GTF2B: variants seen among roughly 807,000 people sequenced by gnomAD.
GTF2B encodes the protein transcription initiation factor IIB.
Under a neutral mutation model 34.6 loss-of-function variants are expected in GTF2B, and 20 were observed. The observed-to-expected ratio is 0.58, with a 90% confidence interval of 0.41 to 0.84. GTF2B has a LOEUF of 0.84. Among genes scored for constraint, GTF2B ranks in the 40% least tolerant of loss-of-function variants. The pLI is 0.00. For missense variants in GTF2B, 237 were observed against 393.3 expected (o/e 0.60, Z 3.36); for synonymous variants, 142 against 132.4 (o/e 1.07, Z -0.50).
At chr1:88,877,937 AAAAC>A (rs1325963361) in intron 2 of GTF2B, among the ~76,000 whole-genome samples, 4 of 152,166 alleles carry the variant, frequency 2.6e-5, no homozygotes, top group South Asian at 2.1e-4. Context: ...TCTCAAAAAC[AAAAC>A]AAACAAACAA....
rs762030171 is a variant in GTF2B, at chr1:88,860,006, T to C, written c.411A>G (p.Arg137=). ...ATACTTGCTTGAATAAATTATTTGT[T>C]CGATCCTTCAAAGCAGAGAAACTAA... ...RINLPRNIVD[R]TNNLFKQVYE... is the part of the protein sequence containing the mutation. The change falls in exon 5 of 7, where the codon CGA becomes CGG. Residue 137 remains arginine (R), a synonymous_variant. Coordinates refer to ENST00000370500, the MANE Select transcript of GTF2B (RefSeq NM_001514.6). 3.7e-6 allele frequency: 6 copies of C among 1,613,874 alleles called. No individual in the cohort carries two copies. In the South Asian group the frequency reaches 5.5e-5, roughly 15 times the overall value.
At chr1:88,887,099 A>G (rs554151806) in intron 2 of GTF2B, among the ~76,000 whole-genome samples, 162 bp downstream of exon 2, 86 of 152,072 alleles carry the variant, frequency 5.7e-4, no homozygotes, top group South Asian at 1.5e-3. Flanking sequence ...TTGTATTTTC[A>G]GTAGAGATGG....
At chr1:88,871,886 C>T (rs961053690) in intron 2 of GTF2B, among the ~76,000 whole-genome samples, 1 of 151,980 alleles carries the variant, frequency 6.6e-6, no homozygotes, top group African/African-American at 2.4e-5. Flanking sequence ...CATCCACCAC[C>T]ACGCCCAGCT....
intron 6 of GTF2B, among the ~76,000 whole-genome samples, chr1:88,854,859 T>C (rs1050892910): frequency 2.6e-5 from 4 of 152,238 alleles, no homozygotes; most frequent in Non-Finnish European, 4.4e-5. Context: ...AGTGAGGTTT[T>C]AGTGATTTTC....
intron 2 of GTF2B, among the ~76,000 whole-genome samples, chr1:88,867,267 T>C (rs1673582445): frequency 1.3e-5 from 2 of 152,210 alleles, no homozygotes; most frequent in South Asian, 2.1e-4. Context: ...TTTTCGTTCA[T>C]ATGTATGCAC....
chr1:88,881,008 C>CAA (rs57528139), intron 2 of GTF2B, among the ~76,000 whole-genome samples: 8,457 of 92,656 alleles, frequency 0.091, 822 homozygotes, highest in African/African-American at 0.25. Flanking sequence ...GATGCTGTCT[C>CAA]AAAAAAAAAA....
chr1:88,887,013 G>C (rs548433572), intron 2 of GTF2B, among the ~76,000 whole-genome samples: 1 of 152,112 alleles, frequency 6.6e-6, no homozygotes, highest in East Asian at 1.9e-4. Flanking sequence ...CCGCCTCCTG[G>C]GTTCAAGCCA....
chr1:88,863,319 G>A (rs1252659544), intron 3 of GTF2B, among the ~76,000 whole-genome samples: 4 of 152,032 alleles, frequency 2.6e-5, no homozygotes, highest in Non-Finnish European at 4.4e-5. Flanking sequence ...TTTATCTTAA[G>A]TGGTATAGAG....
In GTF2B at chr1:88,854,571, C is replaced by T. The variant is rs758162593; in HGVS notation, c.818-1225G>A. Among the ~76,000 whole-genome samples the T allele has an allele frequency of 4.6e-5, 7 of 152,268 alleles. No individual in the cohort carries two copies. In the East Asian group the frequency reaches 7.7e-4, roughly 17 times the overall value. The stretch of plus-strand genomic sequence containing the variant: ...AGGCTGGAGTGCAATGGCAAGATCT[C>T]GGCTCACTACAACCTCTGCCTCCCC... On this transcript the variant is annotated intron_variant, in intron 6 of 6. Coordinates refer to ENST00000370500, the MANE Select transcript of GTF2B (RefSeq NM_001514.6).
chr1:88,875,347 G>A (rs191099118), intron 2 of GTF2B, among the ~76,000 whole-genome samples: 4 of 152,280 alleles, frequency 2.6e-5, no homozygotes. Flanking sequence ...CTGATGTTTA[G>A]ACCGTAAAGA....
chr1:88,880,409 C>T (rs559900725), intron 2 of GTF2B, among the ~76,000 whole-genome samples: 1 of 152,266 alleles, frequency 6.6e-6, no homozygotes, highest in Admixed American at 6.5e-5. Context: ...TGCCTTTAAA[C>T]CAGCGAGCTG....
intron 2 of GTF2B, among the ~76,000 whole-genome samples, chr1:88,866,735 C>T (rs1673568055): frequency 6.6e-6 from 1 of 152,208 alleles, no homozygotes; most frequent in South Asian, 2.1e-4. Flanking sequence ...ACAACTGAAT[C>T]ACCAAGGTAA....
At chr1:88,866,817 G>T (rs1032799748) in intron 2 of GTF2B, among the ~76,000 whole-genome samples, 1 of 152,214 alleles carries the variant, frequency 6.6e-6, no homozygotes, top group Non-Finnish European at 1.5e-5. Flanking sequence ...GAGTTCCCAT[G>T]TGCCATCCCT....
intron 1 of GTF2B, among the ~76,000 whole-genome samples, chr1:88,890,145 C>G (rs1410774923): frequency 6.7e-6 from 1 of 149,482 alleles, no homozygotes; most frequent in African/African-American, 2.5e-5. Flanking sequence ...ACTTAAAAAG[C>G]CATGATAGAA....
At chr1:88,860,072 T>C in intron 4 of GTF2B, 61 bp from the exon 5 acceptor site, 3 of 1,610,558 alleles carry the variant, frequency 1.9e-6, no homozygotes, top group Non-Finnish European at 2.5e-6. Context: ...ATATCAAAAT[T>C]TCATGTGTTC....
chr1:88,865,508 G>A (rs1255556751), intron 2 of GTF2B, among the ~76,000 whole-genome samples: 1 of 151,912 alleles, frequency 6.6e-6, no homozygotes, highest in Non-Finnish European at 1.5e-5. Context: ...GATCACCTGA[G>A]GTCAGGAGTT....
intron 2 of GTF2B, among the ~76,000 whole-genome samples, chr1:88,864,923 C>G (rs1245928704): frequency 6.6e-6 from 1 of 152,200 alleles, no homozygotes; most frequent in East Asian, 1.9e-4. Flanking sequence ...ATAAGATTAA[C>G]TAGCCTAAGA....
At chr1:88,880,644 G>GTCATTGGT (rs1169363896) in intron 2 of GTF2B, among the ~76,000 whole-genome samples, 1 of 152,186 alleles carries the variant, frequency 6.6e-6, no homozygotes, top group Non-Finnish European at 1.5e-5. Context: ...ACAATGGGAT[G>GTCATTGGT]AAAGGATACT....
intron 6 of GTF2B, among the ~76,000 whole-genome samples, chr1:88,855,809 A>G (rs1431640311): frequency 1.3e-5 from 2 of 151,032 alleles, no homozygotes; most frequent in Non-Finnish European, 2.9e-5. Context: ...ATGTGCCACC[A>G]CACCCGACTA....
Sources: allele counts gnomAD v4.1 joint callset (sites outside exome capture counted in the v4.1 genomes callset), GRCh38; gene constraint gnomAD v4.1.1; transcripts MANE v1.5; gene names NCBI Gene and HGNC (gene_info 2026-07-23, HGNC 2026-07-21).